Variants in SP1 observed in about 807,000 individuals in gnomAD.
SP1 encodes the protein Sp1 transcription factor.
SP1 carries 6 observed loss-of-function variants against 66.3 expected under a neutral mutation model. That is an observed-to-expected ratio of 0.09 (90% CI 0.05 to 0.18). The LOEUF is 0.18. Among genes scored for constraint, SP1 ranks in the 10% least tolerant of loss-of-function variants. The pLI, the probability that SP1 is intolerant of heterozygous loss-of-function variation, is 1.00. For missense variants in SP1, 848 were observed against 964.5 expected, an observed-to-expected ratio of 0.88 and a Z score of 1.60; for synonymous variants, 417 against 360.8, an observed-to-expected ratio of 1.16 and a Z score of -1.77.
In SP1 at chr12:53,414,105, C is replaced by T. The variant is rs1234010436; in HGVS notation, c.*2865C>T. On this transcript the variant is annotated 3_prime_UTR_variant, in exon 6 of 6. Coordinates refer to ENST00000327443, the MANE Select transcript of SP1 (RefSeq NM_138473.3). ...AGCTTATTACAGAAAAACCCCGTTTCCCTGAACTTTTGGCTAACAGAAATT... is the reference window on the plus strand; with the variant it reads ...AGCTTATTACAGAAAAACCCCGTTTTCCTGAACTTTTGGCTAACAGAAATT... The T allele has an allele frequency of 6.7e-6, 1 of 148,826 alleles. No homozygotes were observed. The highest frequency in any genetic ancestry group is 1.5e-5 in the Non-Finnish European group (1 of 67,060). The allele number at this position is 148,826 out of a possible 1,614,324, so 9.2% of individuals were successfully genotyped here.
chr12:53,381,633 C>T (rs756255327), intron 1 of SP1, 26 bp from the exon 2 acceptor site: 2 of 1,580,270 alleles, frequency 1.3e-6, no homozygotes, highest in South Asian at 1.1e-5. Flanking sequence ...CTCAAGTTTA[C>T]GTTGTTTGTT....
At chr12:53,384,292 C>A (rs1454610195) in intron 3 of SP1, among the ~76,000 whole-genome samples, 1 of 112,092 alleles carries the variant, frequency 8.9e-6, no homozygotes, top group African/African-American at 3.4e-5. Flanking sequence ...TTTCTTTTTT[C>A]TTTTTTTTTT....
intron 3 of SP1, among the ~76,000 whole-genome samples, chr12:53,394,531 A>G (rs1938432216): frequency 6.9e-6 from 1 of 144,364 alleles, no homozygotes. Flanking sequence ...AGCCTCCCAA[A>G]TGTTGGGTTT....
intron 3 of SP1, among the ~76,000 whole-genome samples, chr12:53,390,943 A>G (rs1592560471): frequency 6.6e-6 from 1 of 152,146 alleles, no homozygotes; most frequent in African/African-American, 2.4e-5. Flanking sequence ...TAGCATGTAA[A>G]CGTGCAACTA....
intron 1 of SP1, among the ~76,000 whole-genome samples, chr12:53,381,039 C>T (rs1430737785): frequency 1.4e-5 from 2 of 145,276 alleles, no homozygotes; most frequent in Non-Finnish European, 3.0e-5. Flanking sequence ...GCAACCTCTG[C>T]CTCCCGGATT....
Position 53,392,804 on chromosome 12 carries a change from G to GTTTTGTT in SP1, c.1675+9197_1675+9203dup, listed in dbSNP as rs371538233. 2.5e-3 allele frequency among the ~76,000 whole-genome samples: 364 copies of GTTTTGTT among 148,516 alleles called. 2 individuals are homozygous for GTTTTGTT. Among genetic ancestry groups the GTTTTGTT allele is most frequent in the African/African-American group, 8.7e-3 (353 of 40,396 alleles). On this transcript the variant is annotated intron_variant, in intron 3 of 5. Transcript: ENST00000327443. ...GCCACCATGCCTGGCCTAGAAGGAG[G>GTTTTGTT]TTTTGTTTTTTGTTTTTTGTTGTTG...
At chr12:53,384,464 T>C (rs1938181322) in intron 3 of SP1, among the ~76,000 whole-genome samples, 1 of 151,768 alleles carries the variant, frequency 6.6e-6, no homozygotes. Flanking sequence ...TTTGTATTTT[T>C]AGTAGAGACA....
intron 1 of SP1, chr12:53,381,312 GCCTTA>G: frequency 5.8e-6 from 1 of 173,526 alleles, no homozygotes; most frequent in African/African-American, 2.4e-5. Flanking sequence ...GTTGTTTTAT[GCCTTA>G]CCTGTCCTTT....
In SP1 at chr12:53,411,352, T is replaced by A; in HGVS notation, c.*112T>A. The A allele has an allele frequency of 1.2e-6, 1 of 855,190 alleles. No homozygotes were observed. Among genetic ancestry groups the A allele is most frequent in the Non-Finnish European group, 1.8e-6 (1 of 557,272 alleles). 53.0% of individuals were successfully genotyped at this position (855,190 alleles called of 1,614,324 possible). ...GAGAGCCATGAAGCATTAAAATGCA[T>A]GGTGTTGAGAAGAATCAGGAGAGGG... On this transcript the variant is annotated 3_prime_UTR_variant, in exon 6 of 6. Coordinates refer to ENST00000327443, the MANE Select transcript of SP1 (RefSeq NM_138473.3).
At chr12:53,400,581 CTTTGT>C (rs1183426034) in intron 3 of SP1, among the ~76,000 whole-genome samples, 1 of 151,780 alleles carries the variant, frequency 6.6e-6, no homozygotes, top group Non-Finnish European at 1.5e-5. Flanking sequence ...GAGTCTGTAT[CTTTGT>C]TTTGTTTTGT....
chr12:53,382,340 CAATGGCAGT>C lies in SP1; in HGVS notation c.394_402del (p.Asn132_Ser134del). On this transcript the variant is annotated inframe_deletion, in exon 3 of 6. Coordinates refer to ENST00000327443, the MANE Select transcript of SP1 (RefSeq NM_138473.3). The stretch of plus-strand genomic sequence containing the variant: ...AGAGTGGCAGCAGTACCAATGGCAG[CAATGGCAGT>C]GAGTCTTCCAAGAATCGCACAGTCT... The C allele has an allele frequency of 6.2e-7, 1 of 1,614,214 alleles. No homozygotes were observed. Among genetic ancestry groups the C allele is most frequent in the South Asian group, 1.1e-5 (1 of 91,084 alleles).
At chr12:53,380,742 C>T in intron 1 of SP1, 1 of 691,400 alleles carries the variant, frequency 1.4e-6, no homozygotes, top group Non-Finnish European at 1.8e-6. Context: ...CCCTTCCCCC[C>T]CGCCCCCCAC....
chr12:53,410,445 C>G (rs1196266041), intron 5 of SP1, among the ~76,000 whole-genome samples: 3 of 152,126 alleles, frequency 2.0e-5, no homozygotes, highest in African/African-American at 4.8e-5. Context: ...CGAGTACTCC[C>G]CAACCTTTAT....
intron 3 of SP1, among the ~76,000 whole-genome samples, chr12:53,397,079 A>G (rs541104863): frequency 6.0e-4 from 91 of 152,052 alleles, no homozygotes; most frequent in Admixed American, 1.4e-3. Flanking sequence ...CAGTGGTGCA[A>G]TCTTGGCTCA....
Position 53,411,738 on chromosome 12 carries a change from A to G in SP1, c.*498A>G, listed in dbSNP as rs1263010901. 6.6e-6 allele frequency: 1 copy of G among 151,258 alleles called. No individual in the cohort carries two copies. The highest frequency in any genetic ancestry group is 2.4e-5 in the African/African-American group (1 of 41,134). 9.4% of individuals were successfully genotyped at this position (151,258 alleles called of 1,614,324 possible). ...GAGGAGGAAGACCATTCTGTGACCA[A>G]AATACCTTGGTCATTTTTTTTATAT... is the stretch of plus-strand genomic sequence containing the variant. On this transcript the variant is annotated 3_prime_UTR_variant, in exon 6 of 6. Transcript: ENST00000327443.
intron 3 of SP1, among the ~76,000 whole-genome samples, chr12:53,397,973 T>TA (rs1423798906): frequency 6.6e-6 from 1 of 152,236 alleles, no homozygotes; most frequent in African/African-American, 2.4e-5. Flanking sequence ...CCTTTGGTCT[T>TA]ATCAGACAAT....
At chr12:53,404,832 A>T (rs928904634) in intron 3 of SP1, among the ~76,000 whole-genome samples, 1 of 151,826 alleles carries the variant, frequency 6.6e-6, no homozygotes, top group Non-Finnish European at 1.5e-5. Flanking sequence ...CACCATGCCC[A>T]GCTAATTATT....
In SP1 at chr12:53,412,140, C is replaced by T. The variant is rs1033036624; in HGVS notation, c.*900C>T. 1 of 152,182 alleles carries T rather than the reference C, an allele frequency of 6.6e-6. No homozygotes were observed. The highest frequency in any genetic ancestry group is 6.5e-5 in the Admixed American group (1 of 15,268). The allele number at this position is 152,182 out of a possible 1,614,324, so 9.4% of individuals were successfully genotyped here. On this transcript the variant is annotated 3_prime_UTR_variant, in exon 6 of 6. Coordinates refer to ENST00000327443, the MANE Select transcript of SP1 (RefSeq NM_138473.3). ...GTGTTCAAAATACTACTGACGCAGG[C>T]ACCTTCTTGGCGCTGGAGAGTCAAA...
chr12:53,395,607 T>C (rs1026060212), intron 3 of SP1, among the ~76,000 whole-genome samples: 2 of 152,150 alleles, frequency 1.3e-5, no homozygotes, highest in Admixed American at 6.6e-5. Context: ...TAGACAGATT[T>C]AGCAAAATTT....
Sources: allele counts gnomAD v4.1 joint callset (sites outside exome capture counted in the v4.1 genomes callset), GRCh38; gene constraint gnomAD v4.1.1; transcripts MANE v1.5; gene names NCBI Gene and HGNC (gene_info 2026-07-23, HGNC 2026-07-21).